BCL2L13: variants seen among roughly 807,000 people sequenced by gnomAD.
BCL2L13 encodes bcl-2-like protein 13.
Under a neutral mutation model 25.8 loss-of-function variants are expected in BCL2L13, and 13 were observed. The ratio of observed to expected loss-of-function variants is 0.50; its 90% CI spans 0.33 to 0.80. BCL2L13 has a LOEUF of 0.80. Among genes scored for constraint, BCL2L13 ranks in the 30% least tolerant of loss-of-function variants. BCL2L13 has a pLI of 0.02. For missense variants in BCL2L13, 504 were observed against 574.9 expected, an observed-to-expected ratio of 0.88 and a Z score of 1.26; for synonymous variants, 244 against 230.3, an observed-to-expected ratio of 1.06 and a Z score of -0.54.
intron 6 of BCL2L13, among the ~76,000 whole-genome samples, chr22:17,721,443 G>A (rs765362738): frequency 6.6e-6 from 1 of 151,220 alleles, no homozygotes; most frequent in Non-Finnish European, 1.5e-5. Context: ...GCTTGGGAGA[G>A]GGCTTCAGCG....
chr22:17,650,514 C>T (rs2058648186), intron 1 of BCL2L13, among the ~76,000 whole-genome samples: 2 of 152,094 alleles, frequency 1.3e-5, no homozygotes, highest in South Asian at 4.1e-4. Context: ...ATTTTTCCTT[C>T]TTGTCCCAGC....
intron 2 of BCL2L13, among the ~76,000 whole-genome samples, chr22:17,661,991 C>CA (rs757785893): frequency 0.023 from 2,426 of 105,518 alleles, 53 homozygotes; most frequent in African/African-American, 0.064. Context: ...AACTCCATCT[C>CA]AAAAAAAAAA....
intron 5 of BCL2L13, among the ~76,000 whole-genome samples, chr22:17,697,731 C>T (rs989619633): frequency 9.2e-5 from 14 of 152,070 alleles, no homozygotes; most frequent in South Asian, 2.1e-4. Context: ...TGTTACCTAT[C>T]GGTACATAAT....
At chr22:17,679,955 GT>G (rs1252278012) in intron 2 of BCL2L13, among the ~76,000 whole-genome samples, 1 of 152,004 alleles carries the variant, frequency 6.6e-6, no homozygotes, top group Non-Finnish European at 1.5e-5. Context: ...GCTCACGCCT[GT>G]AATCCCAGCA....
At chr22:17,663,827 C>A (rs2059150611) in intron 2 of BCL2L13, among the ~76,000 whole-genome samples, 1 of 147,678 alleles carries the variant, frequency 6.8e-6, no homozygotes, top group Non-Finnish European at 1.5e-5. Flanking sequence ...GCTGGGATTA[C>A]AGATGCTTGC....
chr22:17,711,304 C>CTTTTTTTTT (rs765639315), intron 6 of BCL2L13, among the ~76,000 whole-genome samples: 3 of 125,388 alleles, frequency 2.4e-5, no homozygotes, highest in African/African-American at 9.4e-5. Flanking sequence ...CATGATGGGC[C>CTTTTTTTTT]TTTTTTTTTT....
chr22:17,723,292 C>T (rs1233366025), intron 6 of BCL2L13, among the ~76,000 whole-genome samples: 1 of 152,190 alleles, frequency 6.6e-6, no homozygotes, highest in Non-Finnish European at 1.5e-5. Flanking sequence ...CCTAGAAGCC[C>T]TCTCTTCCAA....
At chr22:17,644,036 G>C (rs1601478575) in intron 1 of BCL2L13, among the ~76,000 whole-genome samples, 1 of 151,188 alleles carries the variant, frequency 6.6e-6, no homozygotes, top group South Asian at 2.1e-4. Flanking sequence ...TCAGCCTCCT[G>C]AGTAGCTGGG....
chr22:17,726,037 C>T (rs1359646946), intron 6 of BCL2L13, among the ~76,000 whole-genome samples: 1 of 152,100 alleles, frequency 6.6e-6, no homozygotes, highest in African/African-American at 2.4e-5. Context: ...CTTGTGATGT[C>T]ATTTCAGCAC....
chr22:17,716,236 A>G (rs2060942140), intron 6 of BCL2L13, among the ~76,000 whole-genome samples: 1 of 152,232 alleles, frequency 6.6e-6, no homozygotes, highest in African/African-American at 2.4e-5. Context: ...GAGCCGGATC[A>G]GGGTCTTAAA....
chr22:17,730,124 C>G lies in BCL2L13; in HGVS notation c.*2590C>G, dbSNP rs1479700428. 1 of 152,208 alleles carries G rather than the reference C, an allele frequency of 6.6e-6. No homozygotes were observed. Among genetic ancestry groups the G allele is most frequent in the African/African-American group, 2.4e-5 (1 of 41,454 alleles). The allele number at this position is 152,208 out of a possible 1,614,324, so 9.4% of individuals were successfully genotyped here. A position where few individuals can be genotyped will look rare whatever the true frequency, so the allele number is the denominator to read the frequency against. ...TGTTAGTCCTTAGACCTCATCTCAA[C>G]TGCTCTGTTGAAGGTAATGATTTAT... is the stretch of plus-strand genomic sequence containing the variant. On this transcript the variant is annotated 3_prime_UTR_variant, in exon 7 of 7. Transcript: ENST00000317582.
At position 17,690,391 on chromosome 22, in the gene BCL2L13, G is replaced by A. The variant is rs573336861; in HGVS notation, c.386+1249G>A. 3.9e-5 allele frequency among the ~76,000 whole-genome samples: 6 copies of A among 152,272 alleles called. No individual in the cohort carries two copies. In the East Asian group the frequency reaches 1.2e-3, roughly 29 times the overall value. On this transcript the variant is annotated intron_variant, in intron 4 of 6. Transcript: ENST00000317582. ...ATATATCGATTACCGTTTGTTAGAA[G>A]AAAGTAATTTGGGTTTTAGGAGAAT...
intron 1 of BCL2L13, among the ~76,000 whole-genome samples, chr22:17,644,801 A>G (rs2058414928): frequency 6.7e-6 from 1 of 149,904 alleles, no homozygotes; most frequent in South Asian, 2.1e-4. Context: ...GAGTGCTAGG[A>G]ATTTCTTTTT....
At chr22:17,701,105 T>C (rs1300011387) in intron 5 of BCL2L13, among the ~76,000 whole-genome samples, 1 of 152,154 alleles carries the variant, frequency 6.6e-6, no homozygotes, top group Non-Finnish European at 1.5e-5. Flanking sequence ...CATTTTTTTT[T>C]AAGGGAAGAC....
At chr22:17,697,712 G>T (rs2060305442) in intron 5 of BCL2L13, among the ~76,000 whole-genome samples, 1 of 152,110 alleles carries the variant, frequency 6.6e-6, no homozygotes. Context: ...TATTAACAGA[G>T]TATTAGTATG....
At chr22:17,677,587 C>T (rs894681016) in intron 2 of BCL2L13, among the ~76,000 whole-genome samples, 1 of 152,100 alleles carries the variant, frequency 6.6e-6, no homozygotes, top group African/African-American at 2.4e-5. Flanking sequence ...AGAAAAACCC[C>T]ACACAGCTGG....
intron 2 of BCL2L13, among the ~76,000 whole-genome samples, chr22:17,677,427 T>C (rs1024431455): frequency 6.6e-6 from 1 of 152,150 alleles, no homozygotes; most frequent in African/African-American, 2.4e-5. Flanking sequence ...ATTCTTTAAT[T>C]TGGTTGCAAA....
In BCL2L13 at chr22:17,660,223, T is replaced by TTTAA. The variant is rs768934004; in HGVS notation, c.121+4393_121+4394insAATT. ...CTAGTTGTGGGATGGAAAATACTGTTTTTTTAACAGTGGTTTATTTCCGGA... is the reference window on the plus strand; with the variant it reads ...CTAGTTGTGGGATGGAAAATACTGTTTTAATTTTTAACAGTGGTTTATTTCCGGA... On this transcript the variant is annotated intron_variant, in intron 2 of 6. Coordinates refer to ENST00000317582, the MANE Select transcript of BCL2L13 (RefSeq NM_015367.4). 1.3e-4 allele frequency among the ~76,000 whole-genome samples: 19 copies of TTTAA among 146,624 alleles called. 3 individuals are homozygous for TTTAA. Among genetic ancestry groups the TTTAA allele is most frequent in the Admixed American group, 6.1e-4 (9 of 14,660 alleles).
chr22:17,702,392 A>G lies in BCL2L13; in HGVS notation c.600+6A>G. 1 of 1,567,610 alleles carries G rather than the reference A, an allele frequency of 6.4e-7. No homozygotes were observed. Among genetic ancestry groups the G allele is most frequent in the Non-Finnish European group, 8.6e-7 (1 of 1,163,024 alleles). On this transcript the variant is annotated splice_donor_region_variant and intron_variant, in intron 6 of 6. Transcript: ENST00000317582. ...TCATTCAGCAAGGTGGCTGGGTATG[A>G]GCTGTTATATATTAAAAATATTTTC...
Sources: allele counts gnomAD v4.1 joint callset (sites outside exome capture counted in the v4.1 genomes callset), GRCh38; gene constraint gnomAD v4.1.1; transcripts MANE v1.5; gene names NCBI Gene and HGNC (gene_info 2026-07-23, HGNC 2026-07-21).